Variants in PTPRT observed in about 807,000 individuals in gnomAD.
The protein encoded by PTPRT is receptor-type tyrosine-protein phosphatase T.
A neutral mutation model predicts 176.8 loss-of-function variants in PTPRT; 56 were observed. The ratio of observed to expected loss-of-function variants is 0.32; its 90% CI spans 0.26 to 0.40. The LOEUF is 0.40. PTPRT is among the 10% of genes least tolerant of loss of function. The pLI is 1.00. For missense variants in PTPRT, 1,540 were observed against 1,908.2 expected (o/e 0.81, Z 3.60); for synonymous variants, 783 against 739.0 (o/e 1.06, Z -0.96).
intron 12 of PTPRT, among the ~76,000 whole-genome samples, chr20:42,302,604 T>C (rs1177767945): frequency 1.3e-5 from 2 of 152,220 alleles, no homozygotes; most frequent in Admixed American, 1.3e-4. Flanking sequence ...GCCACTGGGA[T>C]TGCTGATAAT....
intron 11 of PTPRT, among the ~76,000 whole-genome samples, chr20:42,344,925 C>A (rs921600742): frequency 6.6e-6 from 1 of 152,058 alleles, no homozygotes; most frequent in Non-Finnish European, 1.5e-5. Context: ...CTAGGTTACA[C>A]TCTTCCCTTC....
chr20:42,412,984 A>G (rs1293313425), intron 9 of PTPRT, among the ~76,000 whole-genome samples: 1 of 152,202 alleles, frequency 6.6e-6, no homozygotes, highest in African/African-American at 2.4e-5. Context: ...ACAACTATAC[A>G]TTTATCAAAA....
At chr20:42,849,557 T>C (rs559475752) in intron 2 of PTPRT, among the ~76,000 whole-genome samples, 2 of 152,236 alleles carry the variant, frequency 1.3e-5, no homozygotes, top group South Asian at 4.1e-4. Context: ...CCATAGAGGT[T>C]CATTCTCCAA....
intron 11 of PTPRT, among the ~76,000 whole-genome samples, chr20:42,318,628 T>C (rs2057754856): frequency 6.6e-6 from 1 of 152,178 alleles, no homozygotes; most frequent in Admixed American, 6.5e-5. Context: ...TTCAGCAGAT[T>C]AGAAGGAACC....
At chr20:42,051,892 A>G in the PTPRT span, among the ~76,000 whole-genome samples, 40 of 152,338 alleles carry the variant, frequency 2.6e-4, no homozygotes, top group Admixed American at 1.4e-3. Flanking sequence ...TTCCTGGCAC[A>G]AGCAATTTCC....
At chr20:42,168,060 T>A (rs1056574838) in intron 16 of PTPRT, among the ~76,000 whole-genome samples, 32 of 152,110 alleles carry the variant, frequency 2.1e-4, no homozygotes, top group Admixed American at 1.3e-4. Flanking sequence ...GAAAATGTTA[T>A]TGAGAAAATC....
chr20:42,239,210 C>T (rs898416975), intron 14 of PTPRT, among the ~76,000 whole-genome samples: 1 of 152,060 alleles, frequency 6.6e-6, no homozygotes, highest in African/African-American at 2.4e-5. Flanking sequence ...TTATTCAGCA[C>T]TTACTGTGTG....
intron 2 of PTPRT, among the ~76,000 whole-genome samples, chr20:42,842,821 T>C (rs2078302243): frequency 6.6e-6 from 1 of 152,252 alleles, no homozygotes; most frequent in South Asian, 2.1e-4. Flanking sequence ...TGGCAGCTTC[T>C]ATGTGCCCTC....
chr20:43,046,577 C>T (rs1986848499), intron 1 of PTPRT, among the ~76,000 whole-genome samples: 5 of 152,038 alleles, frequency 3.3e-5, no homozygotes, highest in African/African-American at 9.6e-5. Flanking sequence ...AAAGCTTCCC[C>T]GTGGGCTAAG....
chr20:42,113,746 T>C (rs1229928011), intron 22 of PTPRT, among the ~76,000 whole-genome samples: 1 of 152,200 alleles, frequency 6.6e-6, no homozygotes, highest in Admixed American at 6.5e-5. Flanking sequence ...TCCCCTGATA[T>C]ACCTCATGTT....
intron 7 of PTPRT, among the ~76,000 whole-genome samples, chr20:42,650,229 C>G (rs927825007): frequency 2.0e-5 from 3 of 152,104 alleles, no homozygotes; most frequent in Non-Finnish European, 2.9e-5. Flanking sequence ...AACAGCAGAA[C>G]CAGGACTTGA....
intron 1 of PTPRT, among the ~76,000 whole-genome samples, chr20:42,898,193 C>A (rs2079337066): frequency 6.6e-6 from 1 of 152,088 alleles, no homozygotes; most frequent in Non-Finnish European, 1.5e-5. Context: ...GCAAGTTGAA[C>A]CCTCTCCGAG....
At chr20:42,975,263 T>A (rs750052955) in intron 1 of PTPRT, among the ~76,000 whole-genome samples, 3 of 152,076 alleles carry the variant, frequency 2.0e-5, no homozygotes, top group Non-Finnish European at 4.4e-5. Flanking sequence ...TTTAATAACA[T>A]GAGAGAAGTG....
At chr20:42,045,348 G>A in the PTPRT span, among the ~76,000 whole-genome samples, 2 of 151,874 alleles carry the variant, frequency 1.3e-5, no homozygotes, top group African/African-American at 2.4e-5. Flanking sequence ...ATAACTTGGG[G>A]AAGAAATACA....
intron 9 of PTPRT, among the ~76,000 whole-genome samples, chr20:42,383,725 A>C (rs2058717512): frequency 1.3e-5 from 2 of 152,182 alleles, no homozygotes. Flanking sequence ...GCCAAGGCTT[A>C]CCCTGCTGTC....
intron 2 of PTPRT, among the ~76,000 whole-genome samples, chr20:42,794,000 T>A (rs940122341): frequency 6.6e-6 from 1 of 152,182 alleles, no homozygotes; most frequent in African/African-American, 2.4e-5. Context: ...CACGGGCTCA[T>A]GTACCCTTGG....
At chr20:42,750,783 C>A (rs2076759237) in intron 6 of PTPRT, among the ~76,000 whole-genome samples, 1 of 152,174 alleles carries the variant, frequency 6.6e-6, no homozygotes, top group East Asian at 1.9e-4. Context: ...GTCCTTGAGG[C>A]CAGCTAAGAC....
At chr20:43,102,411 T>C (rs1174080583) in intron 1 of PTPRT, among the ~76,000 whole-genome samples, 3 of 152,062 alleles carry the variant, frequency 2.0e-5, no homozygotes, top group Non-Finnish European at 4.4e-5. Context: ...AATTTTTACA[T>C]TGGGAATAGG....
At chr20:42,057,690 G>A in the PTPRT span, among the ~76,000 whole-genome samples, 1 of 152,014 alleles carries the variant, frequency 6.6e-6, no homozygotes, top group African/African-American at 2.4e-5. Flanking sequence ...CTGGGTTCAA[G>A]GGATCCTCCC....
Sources: gnomAD v4.1 joint callset for allele counts (sites outside exome capture counted in the v4.1 genomes callset) on GRCh38, gnomAD v4.1.1 for gene constraint, MANE v1.5 for transcripts, NCBI Gene and HGNC (gene_info 2026-07-23, HGNC 2026-07-21) for gene names.